Variants in DENND1A observed in about 807,000 individuals in gnomAD.
DENND1A encodes the protein DENN domain-containing protein 1A.
Under a neutral mutation model 113.7 loss-of-function variants are expected in DENND1A, and 51 were observed. That is an observed-to-expected ratio of 0.45 (90% confidence interval 0.36 to 0.57). The LOEUF is 0.57. Ranked by LOEUF, DENND1A falls within the 20% of genes least tolerant of loss-of-function variation. The pLI is 0.00. For missense variants in DENND1A, 1,258 were observed against 1,395.9 expected (o/e 0.90, Z 1.57); for synonymous variants, 565 against 570.8 (o/e 0.99, Z 0.14).
intron 5 of DENND1A, among the ~76,000 whole-genome samples, chr9:123,728,204 G>A (rs577796300): frequency 5.3e-5 from 8 of 151,864 alleles, no homozygotes; most frequent in South Asian, 2.1e-4. Context: ...GCAGCTGGGC[G>A]CAGTGGCTCA....
At chr9:123,733,145 C>T (rs2068301956) in intron 5 of DENND1A, among the ~76,000 whole-genome samples, 1 of 152,108 alleles carries the variant, frequency 6.6e-6, no homozygotes, top group South Asian at 2.1e-4. Flanking sequence ...CCACACTCGG[C>T]TAATTTTGTA....
At chr9:123,816,511 A>G (rs1211331837) in intron 2 of DENND1A, among the ~76,000 whole-genome samples, 1 of 152,224 alleles carries the variant, frequency 6.6e-6, no homozygotes, top group African/African-American at 2.4e-5. Context: ...AGGTTTATAA[A>G]TCAACTTCCA....
chr9:123,798,902 T>A (rs918712000), intron 2 of DENND1A, among the ~76,000 whole-genome samples: 5 of 152,150 alleles, frequency 3.3e-5, no homozygotes, highest in African/African-American at 1.2e-4. Flanking sequence ...AATTGATAGA[T>A]AATTATAGAT....
intron 11 of DENND1A, among the ~76,000 whole-genome samples, chr9:123,588,633 A>ACGGG (rs1554894950): frequency 9.3e-5 from 8 of 86,448 alleles, no homozygotes; most frequent in African/African-American, 3.4e-4. Flanking sequence ...AAAAAAAAAA[A>ACGGG]GGGGGGGGGG....
chr9:123,882,522 C>T (rs1175439600), intron 1 of DENND1A, among the ~76,000 whole-genome samples: 1 of 152,114 alleles, frequency 6.6e-6, no homozygotes, highest in African/African-American at 2.4e-5. Flanking sequence ...CATCAAAATA[C>T]ATCCAGAATC....
intron 10 of DENND1A, among the ~76,000 whole-genome samples, chr9:123,627,739 C>CAAAAA (rs764341977): frequency 0.02 from 1,155 of 57,678 alleles, 30 homozygotes; most frequent in African/African-American, 0.066. Context: ...AACTCTGTCT[C>CAAAAA]AAAAAAAAAA....
chr9:123,469,112 C>A (rs1206049598), intron 13 of DENND1A, among the ~76,000 whole-genome samples: 2 of 152,190 alleles, frequency 1.3e-5, no homozygotes, highest in African/African-American at 4.8e-5. Flanking sequence ...AGTCAGATGA[C>A]TCTGGCTGGG....
intron 1 of DENND1A, among the ~76,000 whole-genome samples, chr9:123,890,899 G>A (rs1178619838): frequency 6.6e-6 from 1 of 152,104 alleles, no homozygotes; most frequent in Non-Finnish European, 1.5e-5. Context: ...CTCATTGTAA[G>A]TGTCTAGTTC....
At chr9:123,388,969 G>A (rs1037931830) in intron 21 of DENND1A, among the ~76,000 whole-genome samples, 4 of 152,230 alleles carry the variant, frequency 2.6e-5, no homozygotes, top group African/African-American at 4.8e-5. Context: ...TGTGGGGCAC[G>A]GGGGCTGGCA....
intron 5 of DENND1A, among the ~76,000 whole-genome samples, chr9:123,701,911 G>A (rs1158613320): frequency 6.6e-6 from 1 of 152,208 alleles, no homozygotes; most frequent in Non-Finnish European, 1.5e-5. Flanking sequence ...GTCAATGCAT[G>A]ACTACAAGGA....
Position 123,510,012 on chromosome 9 carries a change from C to T in DENND1A, c.993+47558G>A, listed in dbSNP as rs76086482. Among the ~76,000 whole-genome samples, 65 of 152,356 alleles carry T rather than the reference C, an allele frequency of 4.3e-4. No individual in the cohort carries two copies. In the East Asian group the frequency reaches 9.6e-3, roughly 23 times the overall value. On this transcript the variant is annotated intron_variant, in intron 13 of 23. Transcript: ENST00000394215. ...CATGCCTTGTCATTCCTCTCCTGGA[C>T]GAGAAAGCTGTCCCCTTCAAAGACT...
chr9:123,561,772 C>T (rs774079328), intron 12 of DENND1A, among the ~76,000 whole-genome samples: 4 of 152,104 alleles, frequency 2.6e-5, no homozygotes, highest in Non-Finnish European at 5.9e-5. Flanking sequence ...CTGTCTAAGA[C>T]GCCCTTTCCC....
intron 11 of DENND1A, among the ~76,000 whole-genome samples, chr9:123,593,555 A>C (rs1288233887): frequency 6.6e-6 from 1 of 152,022 alleles, no homozygotes; most frequent in Non-Finnish European, 1.5e-5. Flanking sequence ...TGTTCAAACT[A>C]AGTCTAAGTT....
intron 1 of DENND1A, among the ~76,000 whole-genome samples, chr9:123,923,610 A>G (rs1856640686): frequency 6.6e-6 from 1 of 152,238 alleles, no homozygotes; most frequent in Non-Finnish European, 1.5e-5. Context: ...CAGAGCTATC[A>G]TAAGCCAACA....
chr9:123,495,151 CT>C (rs1338426675), intron 13 of DENND1A, among the ~76,000 whole-genome samples: 1 of 148,628 alleles, frequency 6.7e-6, no homozygotes, highest in East Asian at 2.0e-4. Flanking sequence ...TTCTCTCTCT[CT>C]CTCTCTCTCT....
intron 10 of DENND1A, among the ~76,000 whole-genome samples, chr9:123,611,325 C>G (rs1255144931): frequency 6.6e-6 from 1 of 152,176 alleles, no homozygotes; most frequent in East Asian, 1.9e-4. Flanking sequence ...CTCAAACTTC[C>G]CAGTGTGCCT....
intron 5 of DENND1A, among the ~76,000 whole-genome samples, chr9:123,741,691 C>T (rs1406020961): frequency 6.6e-6 from 1 of 152,222 alleles, no homozygotes; most frequent in Admixed American, 6.5e-5. Context: ...TATCCCTTCA[C>T]CTTGATATGA....
chr9:123,403,816 C>T (rs375567841), intron 20 of DENND1A, among the ~76,000 whole-genome samples: 1 of 152,258 alleles, frequency 6.6e-6, no homozygotes. Flanking sequence ...ACATAGGACC[C>T]GGAACAAAGA....
chr9:123,419,272 G>A lies in DENND1A; in HGVS notation c.1489-7443C>T, dbSNP rs1187859313. On this transcript the variant is annotated intron_variant, in intron 19 of 23. Coordinates refer to ENST00000394215, the MANE Select transcript of DENND1A (RefSeq NM_001352964.2). ...GCGCATGACAGAGCTAGCCTCTGAAGCTGGCCCCAAAGGGGGTCTCAGATC... is the reference window on the plus strand; with the variant it reads ...GCGCATGACAGAGCTAGCCTCTGAAACTGGCCCCAAAGGGGGTCTCAGATC... Among the ~76,000 whole-genome samples the A allele has an allele frequency of 2.6e-5, 4 of 152,234 alleles. No homozygotes were observed. The East Asian group carries it at 5.8e-4, about 22-fold the overall frequency.
Sources: allele counts gnomAD v4.1 joint callset (sites outside exome capture counted in the v4.1 genomes callset), GRCh38; gene constraint gnomAD v4.1.1; transcripts MANE v1.5; gene names NCBI Gene and HGNC (gene_info 2026-07-23, HGNC 2026-07-21).